Variants in SHMT1 observed in about 807,000 individuals in gnomAD.
SHMT1 encodes serine hydroxymethyltransferase 1.
A neutral mutation model predicts 49.0 loss-of-function variants in SHMT1; 45 were observed. The ratio of observed to expected loss-of-function variants is 0.92; its 90% CI spans 0.72 to 1.18. The LOEUF is 1.18. Among genes scored for constraint, SHMT1 ranks in the 50% most tolerant of loss-of-function variants. SHMT1 has a pLI of 0.00. For synonymous variants in SHMT1, 232 were observed against 246.6 expected (o/e 0.94, Z 0.55); for missense variants, 541 against 612.4 (o/e 0.88, Z 1.23).
At chr17:18,354,518 C>T (rs1177181449) in intron 2 of SHMT1, among the ~76,000 whole-genome samples, 1 of 152,166 alleles carries the variant, frequency 6.6e-6, no homozygotes, top group Non-Finnish European at 1.5e-5. Context: ...ATCGCTTGAA[C>T]CTGGGAGGTG....
In SHMT1 at chr17:18,340,009, GGTACCCATCT is replaced by G; in HGVS notation, c.814+24_814+33del. ...CCCCCACAGGAGAAATGTAAACCAT[GGTACCCATCT>G]GTACCCAACATTCGGGAGCTCACCT... On this transcript the variant is annotated intron_variant, in intron 7 of 11. Transcript: ENST00000316694. The surrounding 1 kb of genome is among the most constrained non-coding windows in gnomAD (Gnocchi z 4.5). 6.3e-7 allele frequency: 1 copy of G among 1,597,124 alleles called. No homozygotes were observed. Among genetic ancestry groups the G allele is most frequent in the Non-Finnish European group, 8.6e-7 (1 of 1,169,208 alleles).
At chr17:18,347,922 T>G (rs12451807) in intron 4 of SHMT1, among the ~76,000 whole-genome samples, 32,666 of 149,900 alleles carry the variant, frequency 0.22, 3,729 homozygotes, top group East Asian at 0.29. Flanking sequence ...CAGTTTTTTT[T>G]TTTTTTTTTT....
At chr17:18,357,806 A>T (rs1986377719) in intron 1 of SHMT1, among the ~76,000 whole-genome samples, 2 of 151,776 alleles carry the variant, frequency 1.3e-5, no homozygotes, top group South Asian at 4.2e-4. Context: ...GCTACAAAAA[A>T]AAAAGTTAGC....
rs943461664 is a variant in SHMT1, at chr17:18,340,425, A to G, written c.602-170T>C. Reference sequence around the variant, plus strand: ...AAAAAGCACCTCTGTGCTAAAGGCAACCACTCTAACTCTTCAACGTCTTGG... The same window carrying G: ...AAAAAGCACCTCTGTGCTAAAGGCAGCCACTCTAACTCTTCAACGTCTTGG... On this transcript the variant is annotated intron_variant, in intron 6 of 11. Transcript: ENST00000316694. This position sits in a 1 kb window ranked among gnomAD's most constrained non-coding sequence, Gnocchi z 4.5. 2.7e-6 allele frequency: 2 copies of G among 748,440 alleles called. No homozygotes were observed. Among genetic ancestry groups the G allele is most frequent in the African/African-American group, 1.7e-5 (1 of 57,744 alleles). 46.4% of individuals were successfully genotyped at this position (748,440 alleles called of 1,614,324 possible). A position where few individuals can be genotyped will look rare whatever the true frequency, so the allele number is the denominator to read the frequency against.
In SHMT1 at chr17:18,330,688, A is replaced by G. The variant is rs752541846; in HGVS notation, c.1055-17T>C. On this transcript the variant is annotated splice_polypyrimidine_tract_variant and intron_variant, in intron 9 of 11. Transcript: ENST00000316694. ...CAGAACCACCTGGAAACAAAGTTGGACATGTAGAAATGCAGGCGAATTCTA... is the reference window on the plus strand; with the variant it reads ...CAGAACCACCTGGAAACAAAGTTGGGCATGTAGAAATGCAGGCGAATTCTA... The G allele has an allele frequency of 6.4e-6, 10 of 1,563,494 alleles. No individual in the cohort carries two copies. The East Asian group carries it at 2.0e-4, about 32-fold the overall frequency.
intron 7 of SHMT1, among the ~76,000 whole-genome samples, chr17:18,339,292 A>C (rs556205495): frequency 6.6e-6 from 1 of 152,308 alleles, no homozygotes; most frequent in South Asian, 2.1e-4. Flanking sequence ...CATGTCTTCT[A>C]GTTTGACTAC....
intron 9 of SHMT1, 96 bp from the exon 10 acceptor site, chr17:18,330,767 G>C: frequency 2.3e-6 from 2 of 858,284 alleles, no homozygotes; most frequent in East Asian, 2.5e-5. Context: ...AGTCAAAGCA[G>C]ATGAGGTCAG....
chr17:18,328,993 C>T, intron 11 of SHMT1, 74 bp from the exon 12 acceptor site: 5 of 1,577,868 alleles, frequency 3.2e-6, no homozygotes, highest in South Asian at 2.2e-5. Context: ...GGCCGAGGCA[C>T]AAATGTCAGA....
intron 8 of SHMT1, 67 bp downstream of exon 8, chr17:18,335,492 G>A (rs570552198): frequency 2.8e-5 from 32 of 1,140,472 alleles, no homozygotes; most frequent in Middle Eastern, 2.9e-4. Context: ...CCTGGCACAC[G>A]ATTTTGGAGG....
At chr17:18,354,888 ATAAT>A (rs1476748817) in intron 2 of SHMT1, among the ~76,000 whole-genome samples, 1 of 134,628 alleles carries the variant, frequency 7.4e-6, no homozygotes, top group Non-Finnish European at 1.6e-5. Flanking sequence ...AAAAAAAAAA[ATAAT>A]ACAAAAAATT....
intron 5 of SHMT1, among the ~76,000 whole-genome samples, chr17:18,342,880 G>A (rs188805189): frequency 6.6e-6 from 1 of 151,640 alleles, no homozygotes; most frequent in Non-Finnish European, 1.5e-5. Flanking sequence ...AGGTTGCAGT[G>A]AGTCAAGATG....
intron 3 of SHMT1, among the ~76,000 whole-genome samples, chr17:18,352,167 A>G (rs1257708946): frequency 8.5e-5 from 2 of 23,514 alleles, no homozygotes; most frequent in African/African-American, 3.0e-4. Flanking sequence ...TTTTTTTTTG[A>G]GACGGAGGCT....
At chr17:18,362,007 C>T (rs1267024117) in intron 1 of SHMT1, among the ~76,000 whole-genome samples, 1 of 152,192 alleles carries the variant, frequency 6.6e-6, no homozygotes, top group Non-Finnish European at 1.5e-5. Context: ...CCTCCCCATG[C>T]CTCCAAATCT....
In SHMT1 at chr17:18,340,396, C is replaced by A. The variant is rs1377125580; in HGVS notation, c.602-141G>T. 2 of 906,864 alleles carry A rather than the reference C, an allele frequency of 2.2e-6. No individual in the cohort carries two copies. The highest frequency in any genetic ancestry group is 3.3e-5 in the African/African-American group (2 of 60,742). The allele number at this position is 906,864 out of a possible 1,614,324, so 56.2% of individuals were successfully genotyped here. A position where few individuals can be genotyped will look rare whatever the true frequency, so the allele number is the denominator to read the frequency against. On this transcript the variant is annotated intron_variant, in intron 6 of 11. Coordinates refer to ENST00000316694, the MANE Select transcript of SHMT1 (RefSeq NM_004169.5). The surrounding 1 kb of genome is among the most constrained non-coding windows in gnomAD (Gnocchi z 4.5). The stretch of plus-strand genomic sequence containing the variant: ...GTCTCAGAGCAAAAATGGAGAATGC[C>A]CTCAAAAAGCACCTCTGTGCTAAAG...
intron 3 of SHMT1, among the ~76,000 whole-genome samples, chr17:18,351,319 T>C (rs895018362): frequency 6.6e-6 from 1 of 150,800 alleles, no homozygotes; most frequent in African/African-American, 2.4e-5. Context: ...TTTTTTGTAT[T>C]TTTTTTTAGT....
intron 1 of SHMT1, among the ~76,000 whole-genome samples, chr17:18,360,880 A>G (rs1986693028): frequency 6.6e-6 from 1 of 152,158 alleles, no homozygotes; most frequent in Admixed American, 6.6e-5. Flanking sequence ...AAAGAAAGAA[A>G]AAAAAGCGGT....
At chr17:18,342,025 T>C (rs1451116955) in intron 5 of SHMT1, among the ~76,000 whole-genome samples, 1 of 152,188 alleles carries the variant, frequency 6.6e-6, no homozygotes, top group African/African-American at 2.4e-5. Flanking sequence ...ATCAATTCCA[T>C]ATTCAGCAAT....
chr17:18,354,457 G>T (rs1179044680), intron 2 of SHMT1, among the ~76,000 whole-genome samples: 1 of 150,846 alleles, frequency 6.6e-6, no homozygotes, highest in African/African-American at 2.5e-5. Context: ...TTAGATGGGT[G>T]TGGTGGCAGG....
At chr17:18,343,086 AG>A (rs920319958) in intron 5 of SHMT1, among the ~76,000 whole-genome samples, 1 of 152,188 alleles carries the variant, frequency 6.6e-6, no homozygotes, top group African/African-American at 2.4e-5. Context: ...TTAGACAGGA[AG>A]AAAAATAATA....
Sources: gnomAD v4.1 joint callset for allele counts (sites outside exome capture counted in the v4.1 genomes callset) on GRCh38, gnomAD v4.1.1 for gene constraint, Gnocchi (gnomAD v3.1) non-coding constraint, MANE v1.5 for transcripts, NCBI Gene and HGNC (gene_info 2026-07-23, HGNC 2026-07-21) for gene names.